PHF21B: variants seen among roughly 807,000 people sequenced by gnomAD.
PHF21B encodes PHD finger protein 4.
A neutral mutation model predicts 62.2 loss-of-function variants in PHF21B; 22 were observed. The ratio of observed to expected loss-of-function variants is 0.35; its 90% CI spans 0.25 to 0.51. PHF21B has a LOEUF of 0.51. Among genes scored for constraint, PHF21B ranks in the 20% least tolerant of loss-of-function variants. PHF21B has a pLI of 0.97. For synonymous variants in PHF21B, 341 were observed against 314.7 expected (o/e 1.08, Z -0.88); for missense variants, 701 against 707.9 (o/e 0.99, Z 0.11).
At chr22:44,925,209 C>G (rs1034035868) in intron 2 of PHF21B, among the ~76,000 whole-genome samples, 7 of 152,310 alleles carry the variant, frequency 4.6e-5, no homozygotes, top group Admixed American at 4.6e-4. Context: ...GATGTGTTCA[C>G]GATCTTCATT....
At chr22:44,903,035 A>C (rs2071188249) in intron 5 of PHF21B, among the ~76,000 whole-genome samples, 1 of 152,182 alleles carries the variant, frequency 6.6e-6, no homozygotes, top group South Asian at 2.1e-4. Context: ...CCCCATGGTC[A>C]AAGAGCATTT....
intron 10 of PHF21B, among the ~76,000 whole-genome samples, 184 bp downstream of exon 10, chr22:44,887,779 C>T (rs1359117453): frequency 6.7e-5 from 10 of 149,742 alleles, no homozygotes; most frequent in Non-Finnish European, 1.5e-4. Flanking sequence ...AAAAAAAATC[C>T]CATAATACAC....
intron 2 of PHF21B, among the ~76,000 whole-genome samples, chr22:44,964,000 G>A (rs2072475388): frequency 6.6e-6 from 1 of 152,242 alleles, no homozygotes; most frequent in African/African-American, 2.4e-5. Context: ...AGCCAGCTGT[G>A]TTCCAGCCCT....
chr22:45,007,229 C>G (rs984106202), intron 2 of PHF21B, among the ~76,000 whole-genome samples: 27 of 44,102 alleles, frequency 6.1e-4, no homozygotes, highest in African/African-American at 1.7e-3. Flanking sequence ...CCCGGCCCCC[C>G]CCAAAACCCG....
intron 2 of PHF21B, among the ~76,000 whole-genome samples, chr22:44,939,417 C>T (rs1395294887): frequency 6.6e-5 from 10 of 152,204 alleles, no homozygotes; most frequent in Non-Finnish European, 7.3e-5. Context: ...AAAGTTGCCG[C>T]GAAGTTTCAA....
At chr22:44,885,779 C>A in intron 11 of PHF21B, 84 bp downstream of exon 11, 1 of 1,386,484 alleles carries the variant, frequency 7.2e-7, no homozygotes, top group Non-Finnish European at 1.0e-6. Context: ...CACCTGTCCT[C>A]CCACAGGACC....
chr22:44,925,029 G>A (rs2071603454), intron 2 of PHF21B, among the ~76,000 whole-genome samples: 1 of 152,026 alleles, frequency 6.6e-6, no homozygotes, highest in African/African-American at 2.4e-5. Flanking sequence ...AAATAACACT[G>A]CCAAAAAAAC....
intron 11 of PHF21B, 46 bp from the exon 12 acceptor site, chr22:44,885,575 C>T (rs1779409672): frequency 1.1e-5 from 17 of 1,523,662 alleles, no homozygotes; most frequent in South Asian, 2.4e-5. Flanking sequence ...AGGTAAGGAG[C>T]GGCTGGGTCG....
chr22:44,913,675 C>G, intron 5 of PHF21B, 147 bp downstream of exon 5: 2 of 1,185,846 alleles, frequency 1.7e-6, no homozygotes, highest in Non-Finnish European at 2.3e-6. Context: ...GGCGAGGCCC[C>G]ATCCTGGTCG....
At chr22:44,985,646 G>C (rs1411121216) in intron 2 of PHF21B, among the ~76,000 whole-genome samples, 2 of 152,102 alleles carry the variant, frequency 1.3e-5, no homozygotes, top group Non-Finnish European at 2.9e-5. Context: ...TCTAGTCTCT[G>C]TTCCCTCCAC....
chr22:44,942,805 G>A (rs1435921893), intron 2 of PHF21B, among the ~76,000 whole-genome samples: 1 of 152,176 alleles, frequency 6.6e-6, no homozygotes, highest in Non-Finnish European at 1.5e-5. Flanking sequence ...GGGGGTGCAG[G>A]AGTTGGTTCA....
At chr22:44,927,959 G>T (rs4358235) in intron 2 of PHF21B, among the ~76,000 whole-genome samples, 7 of 152,104 alleles carry the variant, frequency 4.6e-5, no homozygotes, top group Non-Finnish European at 1.0e-4. Flanking sequence ...AGTCTGGGGC[G>T]GGGCGGGGCA....
chr22:44,918,009 C>T (rs2071469525), intron 3 of PHF21B, among the ~76,000 whole-genome samples: 2 of 152,254 alleles, frequency 1.3e-5, no homozygotes, highest in African/African-American at 4.8e-5. Context: ...ATGTGGCCAG[C>T]CTGGGTTCAG....
At chr22:44,998,378 C>T (rs1306415670) in intron 2 of PHF21B, among the ~76,000 whole-genome samples, 1 of 152,198 alleles carries the variant, frequency 6.6e-6, no homozygotes, top group African/African-American at 2.4e-5. Context: ...ATTGTGAAAA[C>T]AAACACAATA....
intron 2 of PHF21B, among the ~76,000 whole-genome samples, chr22:44,988,192 G>A (rs969173665): frequency 5.9e-5 from 9 of 152,216 alleles, no homozygotes; most frequent in African/African-American, 2.2e-4. Flanking sequence ...GAGGCATGGT[G>A]GCTCACCCAC....
rs146921306 is a variant in PHF21B at position 44,962,333 on chromosome 22, G to C, written c.121-41843C>G. 6.6e-5 allele frequency among the ~76,000 whole-genome samples: 10 copies of C among 152,300 alleles called. No individual in the cohort carries two copies. In the East Asian group the frequency reaches 1.9e-3, roughly 29 times the overall value. On this transcript the variant is annotated intron_variant, in intron 2 of 12. Coordinates refer to ENST00000313237, the MANE Select transcript of PHF21B (RefSeq NM_138415.5). ...GAAGTTACATCCCAATAAAGTCACT[G>C]TAAGTTGAAAATATCCTAAGTTGAA...
At chr22:44,943,886 C>T (rs992778655) in intron 2 of PHF21B, among the ~76,000 whole-genome samples, 3 of 152,214 alleles carry the variant, frequency 2.0e-5, no homozygotes, top group Admixed American at 2.0e-4. Flanking sequence ...CCGAGTTCCT[C>T]CTAGCAACTG....
chr22:44,885,273 C>T lies in PHF21B; in HGVS notation c.1377+153G>A, dbSNP rs148837597. On this transcript the variant is annotated intron_variant, in intron 12 of 12. Coordinates refer to ENST00000313237, the MANE Select transcript of PHF21B (RefSeq NM_138415.5). ...ATCTACACTTGTGGTTTGAATGACACGCCTGCCTGTCCACCAGGCCCTGGC... is the reference window on the plus strand; with the variant it reads ...ATCTACACTTGTGGTTTGAATGACATGCCTGCCTGTCCACCAGGCCCTGGC... Among the ~76,000 whole-genome samples the T allele has an allele frequency of 6.1e-3, 922 of 152,180 alleles. 10 individuals carry two copies. Among genetic ancestry groups the T allele is most frequent in the Non-Finnish European group, 9.3e-3 (632 of 67,986 alleles).
Position 44,941,383 on chromosome 22 carries a change from G to A in PHF21B, c.121-20893C>T, listed in dbSNP as rs144625668. On this transcript the variant is annotated intron_variant, in intron 2 of 12. Coordinates refer to ENST00000313237, the MANE Select transcript of PHF21B (RefSeq NM_138415.5). ...GCCCCGGAGTGGATCAGGCCAGTCC[G>A]TCCCTCTGTGACTCGGCCTCTCAAT... 1.1e-3 allele frequency among the ~76,000 whole-genome samples: 169 copies of A among 152,302 alleles called. 1 individual carries two copies. The highest frequency in any genetic ancestry group is 3.7e-3 in the African/African-American group (152 of 41,562).
Sources: allele counts gnomAD v4.1 joint callset (sites outside exome capture counted in the v4.1 genomes callset), GRCh38; gene constraint gnomAD v4.1.1; transcripts MANE v1.5; gene names NCBI Gene and HGNC (gene_info 2026-07-23, HGNC 2026-07-21).